The following GSTA4 variants were observed in gnomAD, a reference collection of about 807,000 sequenced individuals.
GSTA4 encodes glutathione S-transferase alpha 4.
A neutral mutation model predicts 24.4 loss-of-function variants in GSTA4; 15 were observed. The ratio of observed to expected loss-of-function variants is 0.61; its 90% confidence interval spans 0.41 to 0.95. The LOEUF is 0.95. Ranked by LOEUF, GSTA4 falls within the 40% of genes least tolerant of loss-of-function variation. The probability of loss-of-function intolerance (pLI) is 0.00; values close to 1 mark genes in which losing one functional copy is unlikely to be tolerated. For missense variants in GSTA4, 244 were observed against 262.1 expected, an observed-to-expected ratio of 0.93 and a Z score of 0.48; for synonymous variants, 92 against 94.2, an observed-to-expected ratio of 0.98 and a Z score of 0.13.
chr6:52,978,122 C>CAGAAAGACGCTCAGGAGAGT lies in GSTA4; in HGVS notation c.*328_*347dup, dbSNP rs1329884148. 4 of 229,478 alleles carry CAGAAAGACGCTCAGGAGAGT rather than the reference C, an allele frequency of 1.7e-5. No homozygotes were observed. The highest frequency in any genetic ancestry group is 9.4e-5 in the African/African-American group (4 of 42,352). 14.2% of individuals were successfully genotyped at this position (229,478 alleles called of 1,614,324 possible). On this transcript the variant is annotated 3_prime_UTR_variant, in exon 7 of 7. Transcript: ENST00000370963. ...GGATAAGAGAACAGGATAAGGAGAGCAGAAAGACGCTCAGGAGAGTAGAAA... is the reference window on the plus strand; with the variant it reads ...GGATAAGAGAACAGGATAAGGAGAGCAGAAAGACGCTCAGGAGAGTAGAAAGACGCTCAGGAGAGTAGAAA...
At chr6:52,992,416 ATG>A (rs1427143600) in intron 2 of GSTA4, among the ~76,000 whole-genome samples, 2 of 152,252 alleles carry the variant, frequency 1.3e-5, no homozygotes, top group African/African-American at 4.8e-5. Context: ...ATCATTTTGA[ATG>A]TGGGCTGGAC....
At chr6:52,986,902 G>A (rs1231531151) in intron 3 of GSTA4, among the ~76,000 whole-genome samples, 1 of 152,148 alleles carries the variant, frequency 6.6e-6, no homozygotes, top group African/African-American at 2.4e-5. Flanking sequence ...AAAGGTGAAG[G>A]GAGGGGGCAG....
intron 2 of GSTA4, among the ~76,000 whole-genome samples, chr6:52,989,957 C>T (rs1763632870): frequency 6.6e-6 from 1 of 151,698 alleles, no homozygotes; most frequent in Non-Finnish European, 1.5e-5. Context: ...GATCCTGCCA[C>T]CCTCAGCCTC....
intron 6 of GSTA4, among the ~76,000 whole-genome samples, chr6:52,979,964 T>A (rs1763418300): frequency 6.6e-6 from 1 of 152,248 alleles, no homozygotes; most frequent in South Asian, 2.1e-4. Context: ...TGTGACTTTT[T>A]AAATCCATTA....
intron 5 of GSTA4, among the ~76,000 whole-genome samples, chr6:52,983,388 G>A (rs1658987109): frequency 6.6e-6 from 1 of 152,210 alleles, no homozygotes; most frequent in African/African-American, 2.4e-5. Flanking sequence ...GTCAACTCTT[G>A]GATGCCCATG....
At chr6:52,988,839 G>T (rs1382237855) in intron 2 of GSTA4, among the ~76,000 whole-genome samples, 1 of 152,164 alleles carries the variant, frequency 6.6e-6, no homozygotes, top group Admixed American at 6.5e-5. Flanking sequence ...TGGTATTGTG[G>T]TTATTAGGAC....
chr6:52,992,887 G>C (rs1339075290), intron 2 of GSTA4, among the ~76,000 whole-genome samples: 1 of 152,160 alleles, frequency 6.6e-6, no homozygotes, highest in Non-Finnish European at 1.5e-5. Context: ...CATCACTTGA[G>C]GTCTGGAGCT....
intron 2 of GSTA4, chr6:52,987,892 C>T (rs1763593270): frequency 6.6e-6 from 1 of 152,358 alleles, no homozygotes; most frequent in Non-Finnish European, 1.5e-5. Flanking sequence ...ATCAAAATAT[C>T]AAATGTATTC....
chr6:52,988,294 A>C (rs2127386697), intron 2 of GSTA4, among the ~76,000 whole-genome samples: 1 of 152,246 alleles, frequency 6.6e-6, no homozygotes, highest in East Asian at 1.9e-4. Flanking sequence ...AAAAAAAAAA[A>C]AAGGTAGGAG....
chr6:52,994,024 T>C, intron 2 of GSTA4, 133 bp downstream of exon 2: 1 of 729,920 alleles, frequency 1.4e-6, no homozygotes, highest in East Asian at 2.6e-5. Flanking sequence ...AGGGATGGTA[T>C]CTGACTCAGT....
chr6:52,991,391 C>T (rs1763658727), intron 2 of GSTA4, among the ~76,000 whole-genome samples: 1 of 152,096 alleles, frequency 6.6e-6, no homozygotes, highest in Admixed American at 6.6e-5. Flanking sequence ...ATCACAGGAA[C>T]ACACCGATGA....
Position 52,985,520 on chromosome 6 carries a change from G to A in GSTA4, c.203C>T (p.Thr68Ile). The A allele has an allele frequency of 1.9e-6, 3 of 1,613,832 alleles. No homozygotes were observed. The highest frequency in any genetic ancestry group is 2.2e-5 in the South Asian group (2 of 91,078). ...TGCTATGTAGTGGAGAATGCTTCGG[G>A]TCTGTACCAACTTCATCCCGTCAAT... ...VEIDGMKLVQ[T>I]RSILHYIADK... The change falls in exon 4 of 7, where the codon ACC (threonine) becomes ATC (isoleucine). Residue 68 changes from threonine to isoleucine, a missense_variant. Transcript: ENST00000370963.
At chr6:52,985,817 C>T (rs1160501779) in intron 3 of GSTA4, among the ~76,000 whole-genome samples, 1 of 152,130 alleles carries the variant, frequency 6.6e-6, no homozygotes, top group Non-Finnish European at 1.5e-5. Context: ...CTTTGGGAGG[C>T]CAAGGCAGGC....
chr6:52,993,632 A>G (rs926351871), intron 2 of GSTA4, among the ~76,000 whole-genome samples: 1 of 152,244 alleles, frequency 6.6e-6, no homozygotes, highest in Non-Finnish European at 1.5e-5. Context: ...ATGAAACAAG[A>G]TTAGCATAGA....
rs368164696 is a variant in GSTA4, at chr6:52,985,525, T to C, written c.198A>G (p.Val66=). 6 of 1,613,976 alleles carry C rather than the reference T, an allele frequency of 3.7e-6. No homozygotes were observed. The African/African-American group carries it at 4.0e-5, about 11-fold the overall frequency. The part of the protein sequence containing the change: ...PMVEIDGMKL[V]QTRSILHYIA... Reference sequence around the variant, plus strand: ...TGTAGTGGAGAATGCTTCGGGTCTGTACCAACTTCATCCCGTCAATTTCAA... The same window carrying C: ...TGTAGTGGAGAATGCTTCGGGTCTGCACCAACTTCATCCCGTCAATTTCAA... Residue 66 remains valine, a synonymous_variant, in exon 4 of 7, where the codon GTA becomes GTG. Coordinates refer to ENST00000370963, the MANE Select transcript of GSTA4 (RefSeq NM_001512.4).
chr6:52,986,747 G>A (rs72932928), intron 3 of GSTA4, among the ~76,000 whole-genome samples: 7,526 of 152,284 alleles, frequency 0.049, 232 homozygotes, highest in Non-Finnish European at 0.068. Context: ...GTACCACACA[G>A]GGGAGCCTCC....
intron 2 of GSTA4, 53 bp from the exon 3 acceptor site, chr6:52,987,461 A>G: frequency 3.1e-6 from 3 of 960,452 alleles, no homozygotes; most frequent in Non-Finnish European, 3.3e-6. Context: ...TTATTCAGCC[A>G]TTAAGAAAAC....
At chr6:52,982,896 AGAGAGAGC>A (rs753459034) in intron 5 of GSTA4, among the ~76,000 whole-genome samples, 191 bp from the exon 6 acceptor site, 53 of 150,478 alleles carry the variant, frequency 3.5e-4, no homozygotes, top group South Asian at 1.5e-3. Context: ...AGAGAGAGAG[AGAGAGAGC>A]GAGAGAGAGA....
intron 3 of GSTA4, 38 bp from the exon 4 acceptor site, chr6:52,985,621 T>A (rs758759488): frequency 9.1e-5 from 147 of 1,608,468 alleles, no homozygotes; most frequent in Middle Eastern, 4.9e-4. Flanking sequence ...TGATCTTTTC[T>A]TCTCTGTCCC....
Sources: allele counts gnomAD v4.1 joint callset (sites outside exome capture counted in the v4.1 genomes callset), GRCh38; gene constraint gnomAD v4.1.1; transcripts MANE v1.5; gene names NCBI Gene and HGNC (gene_info 2026-07-23, HGNC 2026-07-21).